The following CDH12 variants were observed in gnomAD, a reference collection of about 807,000 sequenced individuals.
CDH12 encodes the protein cadherin-12.
In CDH12, 41 loss-of-function variants were observed where a neutral mutation model predicts 74.1. The observed-to-expected ratio is 0.55, with a 90% CI of 0.43 to 0.72. The LOEUF (loss-of-function observed/expected upper bound fraction) is 0.72, where lower values mean the gene tolerates loss of function less well. CDH12 is among the 30% of genes least tolerant of loss of function. The pLI, the probability that CDH12 is intolerant of heterozygous loss-of-function variation, is 0.00. For missense variants in CDH12, 945 were observed against 977.2 expected, an observed-to-expected ratio of 0.97 and a Z score of 0.44; for synonymous variants, 399 against 355.0, an observed-to-expected ratio of 1.12 and a Z score of -1.39.
chr5:22,345,688 CAT>C (rs143210608), intron 3 of CDH12, among the ~76,000 whole-genome samples: 8,610 of 152,190 alleles, frequency 0.057, 361 homozygotes, highest in African/African-American at 0.12. Context: ...ATCACAAATT[CAT>C]ATGTCTTCAC....
chr5:22,650,291 T>C (rs1399540143), intron 1 of CDH12, among the ~76,000 whole-genome samples: 1 of 152,004 alleles, frequency 6.6e-6, no homozygotes, highest in East Asian at 1.9e-4. Flanking sequence ...TTCCTAAGCT[T>C]GGTGATAGAT....
chr5:22,821,915 C>A (rs1293509885), intron 1 of CDH12, among the ~76,000 whole-genome samples: 1 of 150,706 alleles, frequency 6.6e-6, no homozygotes, highest in African/African-American at 2.4e-5. Context: ...AAAGAGCCTG[C>A]ATTGCCAAGT....
chr5:22,169,681 A>C (rs1748905010), intron 4 of CDH12, among the ~76,000 whole-genome samples: 1 of 151,938 alleles, frequency 6.6e-6, no homozygotes, highest in South Asian at 2.1e-4. Flanking sequence ...AGAGAGATAG[A>C]AATGATTGTT....
chr5:21,994,228 C>G (rs959072728), intron 5 of CDH12, among the ~76,000 whole-genome samples: 14 of 152,072 alleles, frequency 9.2e-5, no homozygotes, highest in African/African-American at 3.4e-4. Context: ...TCATCTTGTG[C>G]ACTGGACAAC....
chr5:22,307,029 G>A (rs966263705), intron 3 of CDH12, among the ~76,000 whole-genome samples: 4 of 152,096 alleles, frequency 2.6e-5, no homozygotes, highest in Admixed American at 2.6e-4. Flanking sequence ...CTTTTAGAGT[G>A]GATCTAGCAT....
chr5:22,773,744 C>T (rs561776506), intron 1 of CDH12, among the ~76,000 whole-genome samples: 1 of 151,958 alleles, frequency 6.6e-6, no homozygotes, highest in East Asian at 1.9e-4. Flanking sequence ...AAACTGTGCA[C>T]ACAACAAAGG....
chr5:22,827,837 G>A (rs1443440354), intron 1 of CDH12, among the ~76,000 whole-genome samples: 1 of 152,168 alleles, frequency 6.6e-6, no homozygotes, highest in East Asian at 1.9e-4. Flanking sequence ...GATGGAAACT[G>A]CAATGAGTGC....
chr5:22,170,575 T>G lies in CDH12; in HGVS notation c.-187+41923A>C, dbSNP rs1340915215. Among the ~76,000 whole-genome samples, 149 of 151,036 alleles carry G rather than the reference T, an allele frequency of 9.9e-4. 1 individual carries two copies. The highest frequency in any genetic ancestry group is 3.5e-3 in the African/African-American group (146 of 41,376). ...AAGCTTCTTATATATAACTTATATA[T>G]AAGCTTCTTATATATAAGTTATATA... is the stretch of plus-strand genomic sequence containing the variant. On this transcript the variant is annotated intron_variant, in intron 4 of 14. Coordinates refer to ENST00000382254, the MANE Select transcript of CDH12 (RefSeq NM_004061.5).
chr5:22,552,203 G>A lies in CDH12; in HGVS notation c.-522-46839C>T, dbSNP rs1033730267. Among the ~76,000 whole-genome samples, 5 of 152,052 alleles carry A rather than the reference G, an allele frequency of 3.3e-5. No individual in the cohort carries two copies. In the East Asian group the frequency reaches 5.8e-4, roughly 18 times the overall value. On this transcript the variant is annotated intron_variant, in intron 1 of 14. Transcript: ENST00000382254. ...TACAAAGGGGAGAGCTCCTTCTATA[G>A]CCTTTCATAATATTTTTAAACTTAT... is the stretch of plus-strand genomic sequence containing the variant.
At chr5:22,471,752 A>G (rs1360313074) in intron 2 of CDH12, among the ~76,000 whole-genome samples, 1 of 152,204 alleles carries the variant, frequency 6.6e-6, no homozygotes, top group African/African-American at 2.4e-5. Flanking sequence ...TATGACACAA[A>G]TCAGTGACTC....
At chr5:22,492,081 A>T (rs1746894670) in intron 2 of CDH12, among the ~76,000 whole-genome samples, 1 of 152,132 alleles carries the variant, frequency 6.6e-6, no homozygotes, top group Admixed American at 6.6e-5. Context: ...TTGAGGACAC[A>T]AAATTAAGCC....
chr5:21,767,470 T>G (rs1481888742), intron 11 of CDH12, among the ~76,000 whole-genome samples: 1 of 151,826 alleles, frequency 6.6e-6, no homozygotes, highest in East Asian at 1.9e-4. Flanking sequence ...ATATTGTAAT[T>G]TTTTTATTAA....
Position 22,392,345 on chromosome 5 carries a change from TA to T in CDH12, c.-333+12911del, listed in dbSNP as rs1388365899. The stretch of plus-strand genomic sequence containing the variant: ...CCACCAATCTTTCATCAGTCATTAA[TA>T]AAGCTAACACTTGACCCCCACCTGT... On this transcript the variant is annotated intron_variant, in intron 3 of 14. Transcript: ENST00000382254. Among the ~76,000 whole-genome samples, 7 of 152,310 alleles carry T rather than the reference TA, an allele frequency of 4.6e-5. No homozygotes were observed. The East Asian group carries it at 1.4e-3, about 29-fold the overall frequency.
chr5:22,233,128 A>G (rs1752443939), intron 3 of CDH12, among the ~76,000 whole-genome samples: 2 of 151,602 alleles, frequency 1.3e-5, no homozygotes, highest in Admixed American at 1.3e-4. Flanking sequence ...AACATTCTAA[A>G]GCCTTTGGAT....
intron 1 of CDH12, among the ~76,000 whole-genome samples, chr5:22,529,214 GAGAGAGAGAGA>G (rs1261163993): frequency 2.6e-4 from 36 of 138,688 alleles, no homozygotes; most frequent in Non-Finnish European, 4.0e-4. Flanking sequence ...GAGAGAGAGA[GAGAGAGAGAGA>G]AGAGAGAGAG....
At chr5:22,060,173 A>G (rs1438523505) in intron 5 of CDH12, among the ~76,000 whole-genome samples, 1 of 152,152 alleles carries the variant, frequency 6.6e-6, no homozygotes, top group Non-Finnish European at 1.5e-5. Flanking sequence ...TTGCAGGGAC[A>G]TGGATGAAGC....
chr5:22,137,109 A>C (rs1746510208), intron 4 of CDH12, among the ~76,000 whole-genome samples: 1 of 151,940 alleles, frequency 6.6e-6, no homozygotes, highest in Non-Finnish European at 1.5e-5. Context: ...TTTACAAAGC[A>C]CAGTTTCTAT....
chr5:22,231,605 T>A (rs886309537), intron 3 of CDH12, among the ~76,000 whole-genome samples: 1 of 152,000 alleles, frequency 6.6e-6, no homozygotes, highest in Non-Finnish European at 1.5e-5. Flanking sequence ...TTGAAAACTA[T>A]TAAACTATGA....
intron 3 of CDH12, among the ~76,000 whole-genome samples, chr5:22,270,349 C>A (rs1471448894): frequency 6.6e-6 from 1 of 151,872 alleles, no homozygotes; most frequent in Non-Finnish European, 1.5e-5. Flanking sequence ...TAATTCCAGC[C>A]CTTTGGGAGG....
Sources: allele counts gnomAD v4.1 joint callset (sites outside exome capture counted in the v4.1 genomes callset), GRCh38; gene constraint gnomAD v4.1.1; transcripts MANE v1.5; gene names NCBI Gene and HGNC (gene_info 2026-07-23, HGNC 2026-07-21).